Variants in BCAT1 observed in about 807,000 individuals in gnomAD.
The protein encoded by BCAT1 is branched-chain-amino-acid aminotransferase, cytosolic.
A neutral mutation model predicts 52.4 loss-of-function variants in BCAT1; 48 were observed. The observed-to-expected ratio is 0.92, with a 90% confidence interval of 0.73 to 1.16. The LOEUF (loss-of-function observed/expected upper bound fraction) is 1.16. Ranked by LOEUF, BCAT1 falls within the 50% of genes most tolerant of loss-of-function variation. BCAT1 has a pLI of 0.00. For synonymous variants in BCAT1, 167 were observed against 161.3 expected (o/e 1.04, Z -0.27); for missense variants, 451 against 457.1 (o/e 0.99, Z 0.12).
rs577465402 is a variant in BCAT1 at position 24,817,252 on chromosome 12, C to G, written c.*756G>C. 1.3e-5 allele frequency: 2 copies of G among 152,250 alleles called. No individual in the cohort carries two copies. The highest frequency in any genetic ancestry group is 3.9e-4 in the East Asian group (2 of 5,188). The allele number at this position is 152,250 out of a possible 1,614,324, so 9.4% of individuals were successfully genotyped here. On this transcript the variant is annotated 3_prime_UTR_variant, in exon 11 of 11. Transcript: ENST00000261192. ...CAAAGAAGGTACACTTCTATAGAAG[C>G]AAAATGTTCACTGATTCATTATAAA...
intron 5 of BCAT1, 48 bp downstream of exon 5, chr12:24,878,479 CAAT>C (rs1180378033): frequency 1.3e-6 from 2 of 1,532,146 alleles, no homozygotes; most frequent in Non-Finnish European, 1.8e-6. Context: ...CAACAATAAA[CAAT>C]AATAACTTGC....
chr12:24,893,961 A>G (rs1322036459), intron 3 of BCAT1, among the ~76,000 whole-genome samples: 1 of 152,238 alleles, frequency 6.6e-6, no homozygotes, highest in East Asian at 1.9e-4. Flanking sequence ...AAGATCTAAG[A>G]AGAAAGGTGA....
intron 5 of BCAT1, among the ~76,000 whole-genome samples, chr12:24,865,537 A>C (rs751110775): frequency 3.7e-4 from 56 of 152,240 alleles, no homozygotes; most frequent in Non-Finnish European, 6.3e-4. Flanking sequence ...TACTAGTAAC[A>C]GTTCTTATAT....
At chr12:24,943,539 C>A (rs1943880580) in intron 1 of BCAT1, among the ~76,000 whole-genome samples, 1 of 147,966 alleles carries the variant, frequency 6.8e-6, no homozygotes, top group African/African-American at 2.5e-5. Flanking sequence ...GGTGTCAGAC[C>A]CAAGAAAGCC....
intron 7 of BCAT1, among the ~76,000 whole-genome samples, chr12:24,840,459 T>G (rs1034069586): frequency 6.6e-6 from 1 of 152,194 alleles, no homozygotes; most frequent in Non-Finnish European, 1.5e-5. Flanking sequence ...TCACATACAG[T>G]AACTCAAATT....
intron 4 of BCAT1, among the ~76,000 whole-genome samples, chr12:24,878,918 T>G (rs1330546944): frequency 1.3e-5 from 2 of 152,050 alleles, no homozygotes; most frequent in African/African-American, 4.8e-5. Flanking sequence ...AAAAAAAATT[T>G]TAAAGTAATA....
intron 1 of BCAT1, among the ~76,000 whole-genome samples, chr12:24,913,894 G>A (rs1253636909): frequency 2.0e-5 from 3 of 152,000 alleles, no homozygotes; most frequent in Admixed American, 1.3e-4. Context: ...GGCTGGGGGT[G>A]GTGGAAGTTA....
intron 1 of BCAT1, among the ~76,000 whole-genome samples, chr12:24,944,124 G>A (rs187889398): frequency 9.1e-4 from 138 of 152,300 alleles, no homozygotes; most frequent in Non-Finnish European, 1.7e-3. Context: ...AGTGTACAGA[G>A]CACTCACCGA....
chr12:24,915,061 C>A (rs748978535), intron 1 of BCAT1, among the ~76,000 whole-genome samples: 5 of 152,020 alleles, frequency 3.3e-5, no homozygotes, highest in Admixed American at 3.3e-4. Context: ...TCAGTTTAGT[C>A]TCTGGCATGA....
chr12:24,832,779 C>T lies in BCAT1; in HGVS notation c.988G>A (p.Gly330Ser), dbSNP rs1057204. The T allele has an allele frequency of 5.0e-6, 8 of 1,611,738 alleles. No individual in the cohort carries two copies. The highest frequency in any genetic ancestry group is 2.2e-5 in the South Asian group (2 of 90,420). ...LEGNRVREMF[G>S]SGTACVVCPV... ...CAAACAACACAGGCTGTACCAGAGC[C>T]AAACATCTCTCTCACTCTGTTCCCC... The change falls in exon 9 of 11, where the codon GGC (glycine) becomes AGC (serine). Residue 330 changes from glycine to serine, a missense_variant. Physicochemically the swap from Gly to Ser is moderately conservative, Grantham distance 56. Transcript: ENST00000261192.
chr12:24,823,314 T>A (rs80310895), intron 10 of BCAT1, among the ~76,000 whole-genome samples: 7,205 of 152,256 alleles, frequency 0.047, 235 homozygotes, highest in East Asian at 0.19. Flanking sequence ...GCTCAAGCAA[T>A]TCTCACGTCT....
At chr12:24,944,332 C>T (rs1943902518) in intron 1 of BCAT1, among the ~76,000 whole-genome samples, 1 of 152,212 alleles carries the variant, frequency 6.6e-6, no homozygotes, top group Non-Finnish European at 1.5e-5. Flanking sequence ...ATGAAATGCA[C>T]TTGGCAAAAT....
intron 1 of BCAT1, among the ~76,000 whole-genome samples, chr12:24,940,215 T>A (rs1345742656): frequency 1.3e-5 from 2 of 152,222 alleles, no homozygotes; most frequent in African/African-American, 4.8e-5. Flanking sequence ...TAAGGCACTT[T>A]TAATTAAACT....
intron 5 of BCAT1, 26 bp downstream of exon 5, chr12:24,878,504 C>G: frequency 6.3e-7 from 1 of 1,592,544 alleles, no homozygotes; most frequent in Non-Finnish European, 8.5e-7. Flanking sequence ...CAGCAAAGTA[C>G]CCCAAAATAA....
intron 2 of BCAT1, among the ~76,000 whole-genome samples, chr12:24,901,006 G>A (rs1241952286): frequency 1.3e-5 from 2 of 152,162 alleles, no homozygotes; most frequent in Non-Finnish European, 2.9e-5. Context: ...GCAAGAGAAG[G>A]AAAAAGAAAA....
intron 3 of BCAT1, among the ~76,000 whole-genome samples, chr12:24,883,871 A>G (rs553578899): frequency 2.0e-5 from 3 of 152,306 alleles, no homozygotes; most frequent in South Asian, 2.1e-4. Context: ...ATGAGAACCT[A>G]ATGCTGCCAC....
At chr12:24,857,615 G>A (rs1941727988) in intron 5 of BCAT1, among the ~76,000 whole-genome samples, 1 of 152,122 alleles carries the variant, frequency 6.6e-6, no homozygotes, top group Admixed American at 6.6e-5. Flanking sequence ...GAGGACCTAA[G>A]ATCATTTCTA....
chr12:24,899,350 G>A (rs1248724763), intron 2 of BCAT1, among the ~76,000 whole-genome samples: 1 of 152,166 alleles, frequency 6.6e-6, no homozygotes, highest in Non-Finnish European at 1.5e-5. Flanking sequence ...ACCACAGTTA[G>A]AATGGTTATT....
chr12:24,854,951 CG>C (rs774089842), intron 5 of BCAT1, among the ~76,000 whole-genome samples: 10 of 152,074 alleles, frequency 6.6e-5, no homozygotes, highest in Admixed American at 6.6e-4. Flanking sequence ...TGAGACACAG[CG>C]GGGATACCTC....
Sources: allele counts gnomAD v4.1 joint callset (sites outside exome capture counted in the v4.1 genomes callset), GRCh38; gene constraint gnomAD v4.1.1; transcripts MANE v1.5; gene names NCBI Gene and HGNC (gene_info 2026-07-23, HGNC 2026-07-21).